Variants in DPF3 observed in about 807,000 individuals in gnomAD.
DPF3 encodes the protein zinc finger protein DPF3.
DPF3 carries 18 observed loss-of-function variants against 56.8 expected under a neutral mutation model. The ratio of observed to expected loss-of-function variants is 0.32; its 90% CI spans 0.22 to 0.47. DPF3 has a LOEUF of 0.47. Among genes scored for constraint, DPF3 ranks in the 20% least tolerant of loss-of-function variants. The pLI is 1.00. For synonymous variants in DPF3, 188 were observed against 180.2 expected (o/e 1.04, Z -0.35); for missense variants, 403 against 488.8 (o/e 0.82, Z 1.65).
intron 1 of DPF3, among the ~76,000 whole-genome samples, chr14:72,890,521 T>TAATAATAATAAC (rs1212406549): frequency 2.0e-5 from 3 of 151,374 alleles, no homozygotes; most frequent in African/African-American, 4.9e-5. Flanking sequence ...ATAATAATAA[T>TAATAATAATAAC]AGCATTATGT....
At chr14:72,717,705 A>G (rs1290622682) in intron 5 of DPF3, among the ~76,000 whole-genome samples, 1 of 152,208 alleles carries the variant, frequency 6.6e-6, no homozygotes, top group Non-Finnish European at 1.5e-5. Context: ...AAGCAGTGTT[A>G]TGATTCCTAG....
intron 1 of DPF3, among the ~76,000 whole-genome samples, chr14:72,789,563 G>A (rs577273726): frequency 7.0e-4 from 107 of 152,284 alleles, no homozygotes; most frequent in Middle Eastern, 3.4e-3. Context: ...CACTCAGGCT[G>A]TGCAGGAGCT....
intron 1 of DPF3, among the ~76,000 whole-genome samples, chr14:72,827,727 G>T (rs966159110): frequency 1.3e-5 from 2 of 151,936 alleles, no homozygotes; most frequent in African/African-American, 4.8e-5. Flanking sequence ...TGATCTGCCT[G>T]CCTCAGCCTC....
At chr14:72,849,037 G>A (rs555160893) in intron 1 of DPF3, among the ~76,000 whole-genome samples, 87 of 152,180 alleles carry the variant, frequency 5.7e-4, no homozygotes, top group Non-Finnish European at 9.1e-4. Flanking sequence ...GAACAAACCA[G>A]GCCCCCAAAA....
At chr14:72,835,182 C>T (rs1253719558) in intron 1 of DPF3, among the ~76,000 whole-genome samples, 1 of 152,170 alleles carries the variant, frequency 6.6e-6, no homozygotes. Context: ...ATTCTCCTGC[C>T]TCAGCGTCCT....
intron 7 of DPF3, among the ~76,000 whole-genome samples, chr14:72,689,653 T>C: frequency 6.6e-6 from 1 of 152,164 alleles, no homozygotes; most frequent in East Asian, 1.9e-4. Flanking sequence ...ATGCTGGCAA[T>C]TAGTGCTCAC....
chr14:72,629,842 G>T (rs958902506), intron 8 of DPF3, 106 bp from the exon 9 acceptor site: 2 of 908,230 alleles, frequency 2.2e-6, no homozygotes. Flanking sequence ...GCAGGGCAGG[G>T]TAGCATGACG....
intron 1 of DPF3, chr14:72,892,103 G>C (rs747105512): frequency 4.7e-6 from 7 of 1,502,918 alleles, no homozygotes; most frequent in South Asian, 3.8e-5. Flanking sequence ...GCGAAAGCGG[G>C]CTCCCGGGTA....
chr14:72,792,081 T>C (rs1892459598), intron 1 of DPF3, among the ~76,000 whole-genome samples: 1 of 152,124 alleles, frequency 6.6e-6, no homozygotes, highest in African/African-American at 2.4e-5. Context: ...GGCTGGAACA[T>C]GCCCCCCACC....
chr14:72,702,145 G>A (rs563296267), intron 6 of DPF3, among the ~76,000 whole-genome samples: 1 of 152,238 alleles, frequency 6.6e-6, no homozygotes, highest in East Asian at 1.9e-4. Flanking sequence ...AAGGTGCGCT[G>A]GTGAGTCTCT....
rs533404711 is a variant in DPF3, at chr14:72,836,189, G to C, written c.32+57868C>G. 1,210 of 985,924 alleles carry C rather than the reference G, an allele frequency of 1.2e-3. 3 individuals are homozygous for C. The highest frequency in any genetic ancestry group is 1.4e-3 in the Non-Finnish European group (1,165 of 830,384). 61.1% of individuals were successfully genotyped at this position (985,924 alleles called of 1,614,324 possible). On this transcript the variant is annotated intron_variant, in intron 1 of 10. Coordinates refer to ENST00000556509, the MANE Select transcript of DPF3 (RefSeq NM_001280542.3). ...GAAGGGGTTGGAGCCTCTGGGGAGG[G>C]GGCACTGAGGACAGAGCACGGTGTT... is the stretch of plus-strand genomic sequence containing the variant.
intron 1 of DPF3, among the ~76,000 whole-genome samples, chr14:72,868,437 C>T (rs1037998973): frequency 5.9e-5 from 9 of 152,198 alleles, no homozygotes; most frequent in African/African-American, 1.9e-4. Context: ...ATATGCAGGG[C>T]TGGGAGGAAC....
At chr14:72,861,767 G>GAA (rs1885434678) in intron 1 of DPF3, among the ~76,000 whole-genome samples, 1 of 146,250 alleles carries the variant, frequency 6.8e-6, no homozygotes, top group African/African-American at 2.6e-5. Flanking sequence ...AAGAAAGAAA[G>GAA]AAAGAAAGAA....
chr14:72,731,744 G>C, intron 4 of DPF3, 63 bp downstream of exon 4: 1 of 1,601,284 alleles, frequency 6.2e-7, no homozygotes, highest in South Asian at 1.1e-5. Context: ...GCCGGTGCTG[G>C]AGTTCTGGAA....
intron 1 of DPF3, among the ~76,000 whole-genome samples, chr14:72,807,532 T>A (rs1030185669): frequency 6.6e-6 from 1 of 151,030 alleles, no homozygotes; most frequent in African/African-American, 2.5e-5. Context: ...CACTAAACTT[T>A]CAGTTTTTAA....
intron 1 of DPF3, among the ~76,000 whole-genome samples, chr14:72,840,540 C>T (rs1884502828): frequency 6.6e-6 from 1 of 152,206 alleles, no homozygotes; most frequent in South Asian, 2.1e-4. Context: ...TACACACACA[C>T]ACACTGAATA....
intron 1 of DPF3, among the ~76,000 whole-genome samples, chr14:72,787,961 T>G (rs142331640): frequency 2.6e-5 from 4 of 152,234 alleles, no homozygotes; most frequent in East Asian, 3.9e-4. Context: ...AAGTGTGAGC[T>G]CCCCAGGAGG....
chr14:72,637,713 T>C (rs549633811), intron 8 of DPF3, among the ~76,000 whole-genome samples: 1 of 152,286 alleles, frequency 6.6e-6, no homozygotes, highest in South Asian at 2.1e-4. Context: ...CCAAAAATGG[T>C]ATTTTTAAAG....
At chr14:72,878,080 A>T (rs1411032863) in intron 1 of DPF3, among the ~76,000 whole-genome samples, 1 of 152,060 alleles carries the variant, frequency 6.6e-6, no homozygotes, top group African/African-American at 2.4e-5. Context: ...CACCATCAGC[A>T]TTTTCTCTGG....
Sources: gnomAD v4.1 joint callset for allele counts (sites outside exome capture counted in the v4.1 genomes callset) on GRCh38, gnomAD v4.1.1 for gene constraint, MANE v1.5 for transcripts, NCBI Gene and HGNC (gene_info 2026-07-23, HGNC 2026-07-21) for gene names.